Variants in AFF3 observed in about 807,000 individuals in gnomAD.
The protein encoded by AFF3 is AF4/FMR2 family member 3.
Under a neutral mutation model 129.7 loss-of-function variants are expected in AFF3, and 32 were observed. The ratio of observed to expected loss-of-function variants is 0.25; its 90% confidence interval spans 0.19 to 0.33. The LOEUF (loss-of-function observed/expected upper bound fraction) is 0.33, where lower values mean the gene tolerates loss of function less well. AFF3 is among the 10% of genes least tolerant of loss of function. The pLI is 1.00. For synonymous variants in AFF3, 644 were observed against 635.4 expected, an observed-to-expected ratio of 1.01 and a Z score of -0.20; for missense variants, 1,373 against 1,592.0, an observed-to-expected ratio of 0.86 and a Z score of 2.34.
intron 11 of AFF3, among the ~76,000 whole-genome samples, chr2:99,690,121 C>A (rs886986089): frequency 3.4e-5 from 5 of 146,526 alleles, no homozygotes; most frequent in Admixed American, 2.8e-4. Flanking sequence ...CCCAAAAAAA[C>A]CCCACAACAC....
At chr2:99,812,614 A>T (rs1238971354) in intron 8 of AFF3, among the ~76,000 whole-genome samples, 1 of 152,048 alleles carries the variant, frequency 6.6e-6, no homozygotes, top group Non-Finnish European at 1.5e-5. Flanking sequence ...GTCGAGTGTG[A>T]CTCCCTTTCT....
chr2:99,852,529 A>G (rs1245221438), intron 7 of AFF3, among the ~76,000 whole-genome samples: 1 of 152,188 alleles, frequency 6.6e-6, no homozygotes, highest in Non-Finnish European at 1.5e-5. Context: ...TCACTGATTA[A>G]TAAATTCATG....
At chr2:99,696,532 C>A (rs1216820565) in intron 11 of AFF3, among the ~76,000 whole-genome samples, 5 of 152,232 alleles carry the variant, frequency 3.3e-5, no homozygotes, top group Non-Finnish European at 5.9e-5. Flanking sequence ...TATTATTACA[C>A]TTGTATTGCT....
chr2:99,915,250 A>C (rs1372006561), intron 7 of AFF3, among the ~76,000 whole-genome samples: 1 of 152,224 alleles, frequency 6.6e-6, no homozygotes, highest in Non-Finnish European at 1.5e-5. Context: ...TTAACATAAA[A>C]AAAAACCAGA....
At chr2:100,064,711 T>C (rs1215090698) in intron 4 of AFF3, among the ~76,000 whole-genome samples, 4 of 152,206 alleles carry the variant, frequency 2.6e-5, no homozygotes, top group African/African-American at 7.2e-5. Context: ...ACAAGGCCTA[T>C]GCAAATACAA....
At chr2:100,036,001 G>A (rs1684861034) in intron 4 of AFF3, among the ~76,000 whole-genome samples, 1 of 152,002 alleles carries the variant, frequency 6.6e-6, no homozygotes, top group Non-Finnish European at 1.5e-5. Context: ...GAAAAGCCCA[G>A]ATTTCTCCTC....
At chr2:100,027,902 T>G (rs919709218) in intron 4 of AFF3, among the ~76,000 whole-genome samples, 1 of 152,192 alleles carries the variant, frequency 6.6e-6, no homozygotes, top group African/African-American at 2.4e-5. Flanking sequence ...CATTAAAGGT[T>G]GTTAACTAAT....
intron 10 of AFF3, among the ~76,000 whole-genome samples, chr2:99,727,559 A>ATT (rs35336994): frequency 0.025 from 3,225 of 127,722 alleles, 53 homozygotes; most frequent in Non-Finnish European, 0.033. Context: ...GGAGGAAAGA[A>ATT]TTTTTTTTTT....
At chr2:99,651,668 C>T (rs62154538) in intron 12 of AFF3, among the ~76,000 whole-genome samples, 5,302 of 152,174 alleles carry the variant, frequency 0.035, 114 homozygotes, top group Non-Finnish European at 0.043. Context: ...TCTCGAACTC[C>T]TGACCTCAAA....
At chr2:100,019,551 C>A (rs551716257) in intron 4 of AFF3, among the ~76,000 whole-genome samples, 116 of 152,298 alleles carry the variant, frequency 7.6e-4, no homozygotes, top group Non-Finnish European at 1.4e-3. Flanking sequence ...GGAAAGGACA[C>A]CCTGTGTGAA....
At chr2:99,737,260 A>T (rs1558800830) in intron 10 of AFF3, among the ~76,000 whole-genome samples, 1 of 152,070 alleles carries the variant, frequency 6.6e-6, no homozygotes, top group Non-Finnish European at 1.5e-5. Flanking sequence ...TTAACAATAT[A>T]TTATTACTGG....
At chr2:99,560,161 C>A (rs1675338076) in intron 21 of AFF3, among the ~76,000 whole-genome samples, 1 of 152,208 alleles carries the variant, frequency 6.6e-6, no homozygotes, top group African/African-American at 2.4e-5. Flanking sequence ...CTTTGGTAGG[C>A]CTGTCGATTT....
intron 7 of AFF3, among the ~76,000 whole-genome samples, chr2:99,998,954 C>T (rs1205642295): frequency 1.3e-5 from 2 of 152,100 alleles, no homozygotes; most frequent in Admixed American, 1.3e-4. Flanking sequence ...AATGTGGGCT[C>T]CCTCCTATAT....
chr2:99,815,010 CG>C (rs1687110216), intron 8 of AFF3, among the ~76,000 whole-genome samples: 1 of 151,928 alleles, frequency 6.6e-6, no homozygotes, highest in South Asian at 2.1e-4. Flanking sequence ...CCATCCCCCC[CG>C]GCTGATTTTT....
chr2:99,787,692 TG>T (rs1339150107), intron 8 of AFF3, among the ~76,000 whole-genome samples: 2 of 152,122 alleles, frequency 1.3e-5, no homozygotes, highest in Admixed American at 1.3e-4. Flanking sequence ...GTTTCAAATT[TG>T]GATGAAGACG....
At chr2:100,012,173 C>T (rs10196663) in intron 4 of AFF3, among the ~76,000 whole-genome samples, 3,066 of 152,240 alleles carry the variant, frequency 0.02, 113 homozygotes, top group African/African-American at 0.07. Context: ...CCATCATGCT[C>T]GTGCCATGCT....
rs543015103 is a variant in AFF3, at chr2:99,988,018, C to A, written c.873+18614G>T. ...AAAGATGAATAAGAGAGCATGCCAG[C>A]CCTCCAGGAGCACGCAGAACAATAA... On this transcript the variant is annotated intron_variant, in intron 7 of 24. Transcript: ENST00000672756. Among the ~76,000 whole-genome samples, 25 of 152,236 alleles carry A rather than the reference C, an allele frequency of 1.6e-4. No individual in the cohort carries two copies. In the South Asian group the frequency reaches 5.2e-3, roughly 32 times the overall value.
intron 4 of AFF3, among the ~76,000 whole-genome samples, chr2:100,088,965 G>GT (rs1328593037): frequency 6.6e-6 from 1 of 150,922 alleles, no homozygotes; most frequent in Non-Finnish European, 1.5e-5. Context: ...TGCTTCTTAG[G>GT]TAATATAAAC....
chr2:99,588,151 T>C lies in AFF3; in HGVS notation c.2467-873A>G, dbSNP rs113671173. ...CCTTTTTCTAAAACAGTACTTTGAT[T>C]GGATCCTTGTTGCCATGATTGGGTT... On this transcript the variant is annotated intron_variant, in intron 15 of 24. Transcript: ENST00000672756. Among the ~76,000 whole-genome samples the C allele has an allele frequency of 4.7e-3, 717 of 152,312 alleles. 6 individuals carry two copies. The highest frequency in any genetic ancestry group is 0.015 in the African/African-American group (634 of 41,570).
Sources: allele counts gnomAD v4.1 joint callset (sites outside exome capture counted in the v4.1 genomes callset), GRCh38; gene constraint gnomAD v4.1.1; transcripts MANE v1.5; gene names NCBI Gene and HGNC (gene_info 2026-07-23, HGNC 2026-07-21).